The following WWOX variants were observed in gnomAD, a reference collection of about 807,000 sequenced individuals.
WWOX encodes the protein WW domain-containing oxidoreductase.
Under a neutral mutation model 46.2 loss-of-function variants are expected in WWOX, and 69 were observed. The ratio of observed to expected loss-of-function variants is 1.49; its 90% CI spans 1.23 to 1.82. WWOX has a LOEUF of 1.82. Among genes scored for constraint, WWOX ranks in the 40% most tolerant of loss-of-function variants. The probability of loss-of-function intolerance (pLI) is 0.00; values close to 1 mark genes in which losing one functional copy is unlikely to be tolerated. For synonymous variants in WWOX, 359 were observed against 202.6 expected, an observed-to-expected ratio of 1.77 and a Z score of -6.56; for missense variants, 919 against 542.6, an observed-to-expected ratio of 1.69 and a Z score of -6.89.
At chr16:78,828,249 A>T (rs992082895) in intron 8 of WWOX, among the ~76,000 whole-genome samples, 1 of 152,208 alleles carries the variant, frequency 6.6e-6, no homozygotes, top group Non-Finnish European at 1.5e-5. Context: ...AAAGACAATG[A>T]CAATAAAAGC....
At chr16:78,278,812 C>A in intron 5 of WWOX, 1 of 713,640 alleles carries the variant, frequency 1.4e-6, no homozygotes, top group Non-Finnish European at 2.3e-6. Context: ...TTAATTTATA[C>A]CTTTATCAGT....
At chr16:78,921,846 C>G (rs972541884) in intron 8 of WWOX, among the ~76,000 whole-genome samples, 3 of 152,164 alleles carry the variant, frequency 2.0e-5, no homozygotes, top group African/African-American at 4.8e-5. Context: ...ATCCTCATGG[C>G]TGATATTTGC....
chr16:78,856,009 T>C (rs2052557636), intron 8 of WWOX, among the ~76,000 whole-genome samples: 1 of 152,206 alleles, frequency 6.6e-6, no homozygotes, highest in African/African-American at 2.4e-5. Context: ...TGACTAACTT[T>C]ATCTAACTTT....
intron 8 of WWOX, among the ~76,000 whole-genome samples, chr16:78,924,472 A>G (rs2045453169): frequency 6.6e-6 from 1 of 152,112 alleles, no homozygotes; most frequent in Admixed American, 6.5e-5. Flanking sequence ...CTCACTTAAA[A>G]CTTGTCTTCG....
chr16:79,125,088 T>C (rs901815521), intron 8 of WWOX, among the ~76,000 whole-genome samples: 2 of 151,696 alleles, frequency 1.3e-5, no homozygotes, highest in Non-Finnish European at 2.9e-5. Flanking sequence ...CCAAACTATA[T>C]GCAGATCCTG....
chr16:78,656,485 A>G (rs2047083864), intron 8 of WWOX, among the ~76,000 whole-genome samples: 1 of 152,180 alleles, frequency 6.6e-6, no homozygotes, highest in African/African-American at 2.4e-5. Context: ...AGAAGATGAA[A>G]GGGAAGCAGG....
At chr16:78,113,792 T>G (rs1468219985) in intron 3 of WWOX, among the ~76,000 whole-genome samples, 4 of 152,162 alleles carry the variant, frequency 2.6e-5, no homozygotes, top group Non-Finnish European at 5.9e-5. Flanking sequence ...GTTGTGTGTG[T>G]ATAATATTGG....
chr16:78,359,353 G>A (rs1006623908), intron 5 of WWOX, among the ~76,000 whole-genome samples: 4 of 152,116 alleles, frequency 2.6e-5, no homozygotes, highest in Non-Finnish European at 5.9e-5. Context: ...AGGCTAATTA[G>A]TAATGTAGCA....
intron 8 of WWOX, among the ~76,000 whole-genome samples, chr16:78,662,924 T>C (rs1026225618): frequency 1.3e-5 from 2 of 152,276 alleles, no homozygotes; most frequent in Middle Eastern, 3.4e-3. Context: ...AGTGCAAGAA[T>C]TGGTGAGAGA....
chr16:79,095,582 G>A (rs2049051422), intron 8 of WWOX, among the ~76,000 whole-genome samples: 1 of 152,086 alleles, frequency 6.6e-6, no homozygotes, highest in African/African-American at 2.4e-5. Flanking sequence ...TAAAACAAAT[G>A]GAGCCACATT....
intron 8 of WWOX, among the ~76,000 whole-genome samples, chr16:79,100,873 A>G (rs565832982): frequency 3.5e-4 from 53 of 152,066 alleles, no homozygotes; most frequent in African/African-American, 1.3e-3. Context: ...TATTAACAAG[A>G]TGTCCACTGG....
At position 79,049,681 on chromosome 16, in the gene WWOX, C is replaced by G. The variant is rs186511506; in HGVS notation, c.1057-161927C>G. ...CGAAACCCCGTCTCTACTAAAAATA[C>G]AAAAATTAGCCTGGCGTGGTGGCCG... On this transcript the variant is annotated intron_variant, in intron 8 of 8. Coordinates refer to ENST00000566780, the MANE Select transcript of WWOX (RefSeq NM_016373.4). Among the ~76,000 whole-genome samples, 361 of 152,048 alleles carry G rather than the reference C, an allele frequency of 2.4e-3. 1 individual carries two copies. Among genetic ancestry groups the G allele is most frequent in the African/African-American group, 8.2e-3 (339 of 41,474 alleles).
At chr16:78,709,111 T>C (rs2142317173) in intron 8 of WWOX, among the ~76,000 whole-genome samples, 1 of 152,256 alleles carries the variant, frequency 6.6e-6, no homozygotes, top group South Asian at 2.1e-4. Context: ...CATTTTGAAG[T>C]TCCCTACTCT....
At chr16:78,659,486 C>T (rs529396666) in intron 8 of WWOX, among the ~76,000 whole-genome samples, 1 of 152,066 alleles carries the variant, frequency 6.6e-6, no homozygotes. Context: ...TTTAGCCCTC[C>T]AGGGGATTCT....
chr16:78,177,291 A>G (rs770389514), intron 5 of WWOX, among the ~76,000 whole-genome samples: 1 of 152,204 alleles, frequency 6.6e-6, no homozygotes, highest in Non-Finnish European at 1.5e-5. Context: ...GGCAATTTTA[A>G]TTTATCCAAC....
intron 5 of WWOX, among the ~76,000 whole-genome samples, chr16:78,241,458 T>C (rs1431627205): frequency 1.3e-5 from 2 of 152,080 alleles, no homozygotes; most frequent in Non-Finnish European, 2.9e-5. Flanking sequence ...GAGGGAGTTT[T>C]ACTCTTGTCA....
chr16:79,028,898 GA>G lies in WWOX; in HGVS notation c.1057-182701del, dbSNP rs34652825. 5.3e-5 allele frequency among the ~76,000 whole-genome samples: 8 copies of G among 150,430 alleles called. 2 individuals are homozygous for G. The highest frequency in any genetic ancestry group is 2.0e-4 in the African/African-American group (8 of 40,440). On this transcript the variant is annotated intron_variant, in intron 8 of 8. Coordinates refer to ENST00000566780, the MANE Select transcript of WWOX (RefSeq NM_016373.4). ...CACTTCACAGTTTCCTGAACCACTA[GA>G]AAAAAAAATGTTCATAAATTTATAG...
At chr16:79,052,958 G>T (rs28522573) in intron 8 of WWOX, among the ~76,000 whole-genome samples, 3,589 of 127,348 alleles carry the variant, frequency 0.028, 55 homozygotes, top group Middle Eastern at 0.059. Context: ...GAGTATGTTT[G>T]TGTATTTGGG....
chr16:79,081,383 T>C (rs2048757542), intron 8 of WWOX, among the ~76,000 whole-genome samples: 1 of 152,142 alleles, frequency 6.6e-6, no homozygotes, highest in Non-Finnish European at 1.5e-5. Context: ...AGGCTGGTCT[T>C]GAATTCTTGA....
Sources: allele counts gnomAD v4.1 joint callset (sites outside exome capture counted in the v4.1 genomes callset), GRCh38; gene constraint gnomAD v4.1.1; transcripts MANE v1.5; gene names NCBI Gene and HGNC (gene_info 2026-07-23, HGNC 2026-07-21).